Variants in SPR observed in about 807,000 individuals in gnomAD.
SPR encodes Sepiapterin reductase (L-erythro-7,8-dihydrobiopterin forming).
SPR carries 12 observed loss-of-function variants against 16.0 expected under a neutral mutation model. That is an observed-to-expected ratio of 0.75 (90% CI 0.48 to 1.22). SPR has a LOEUF of 1.22. SPR is among the 50% of genes most tolerant of loss of function. The pLI is 0.00. For synonymous variants in SPR, 177 were observed against 168.5 expected (o/e 1.05, Z -0.39); for missense variants, 324 against 344.4 (o/e 0.94, Z 0.47).
Position 72,888,379 on chromosome 2 carries a change from T to TGG in SPR, c.372_373dup (p.Ala125GlyfsTer3). 1 of 1,614,192 alleles carries TGG rather than the reference T, an allele frequency of 6.2e-7. No homozygotes were observed. Among genetic ancestry groups the TGG allele is most frequent in the Non-Finnish European group, 8.5e-7 (1 of 1,180,020 alleles). On this transcript the variant is annotated frameshift_variant, in exon 2 of 3. Coordinates refer to ENST00000234454, the MANE Select transcript of SPR (RefSeq NM_003124.5). LOFTEE classifies it high-confidence loss of function. ...TGACTCCACTCAAGTGAACAACTAC[T>TGG]GGGCACTGAACTTGACCTCCATGCT...
At chr2:72,891,267 C>A in intron 2 of SPR, 80 bp from the exon 3 acceptor site, 1 of 1,504,352 alleles carries the variant, frequency 6.6e-7, no homozygotes, top group Non-Finnish European at 9.2e-7. Flanking sequence ...TCAGCCCCAC[C>A]CCCGACATAA....
Position 72,888,565 on chromosome 2 carries a change from C to T in SPR, c.556C>T (p.Leu186=), listed in dbSNP as rs1670577308. The change falls in exon 2 of 3, where the codon CTG becomes TTG. Residue 186 remains leucine (L), a synonymous_variant. Coordinates refer to ENST00000234454, the MANE Select transcript of SPR (RefSeq NM_003124.5). ...ARDMLFQVLA[L]EEPNVRVLNY... Reference sequence around the variant, plus strand: ...TGATATGCTGTTCCAGGTCCTGGCGCTGGAGGAACCTAATGTGAGGGTGCT... The same window carrying T: ...TGATATGCTGTTCCAGGTCCTGGCGTTGGAGGAACCTAATGTGAGGGTGCT... The T allele has an allele frequency of 6.3e-7, 1 of 1,595,556 alleles. No homozygotes were observed. The highest frequency in any genetic ancestry group is 1.3e-5 in the African/African-American group (1 of 74,562).
At chr2:72,891,283 G>A (rs1294816568) in intron 2 of SPR, 64 bp from the exon 3 acceptor site, 4 of 1,580,468 alleles carry the variant, frequency 2.5e-6, no homozygotes, top group Non-Finnish European at 3.5e-6. Context: ...CATAAAACAG[G>A]GACCTGAAAC....
chr2:72,888,378 C>T lies in SPR; in HGVS notation c.369C>T (p.Tyr123=), dbSNP rs146349901. Reference sequence around the variant, plus strand: ...GTGACTCCACTCAAGTGAACAACTACTGGGCACTGAACTTGACCTCCATGC... The same window carrying T: ...GTGACTCCACTCAAGTGAACAACTATTGGGCACTGAACTTGACCTCCATGC... ...DLSDSTQVNN[Y]WALNLTSMLC... The change falls in exon 2 of 3, where the codon TAC becomes TAT. Residue 123 remains tyrosine (Y), a synonymous_variant. Transcript: ENST00000234454. 3.2e-4 allele frequency: 514 copies of T among 1,614,060 alleles called. No homozygotes were observed. The highest frequency in any genetic ancestry group is 4.1e-4 in the Non-Finnish European group (485 of 1,180,018).
At chr2:72,887,807 G>A (rs1190401339) in intron 1 of SPR, 71 bp downstream of exon 1, 2 of 1,405,784 alleles carry the variant, frequency 1.4e-6, no homozygotes, top group Admixed American at 5.6e-5. Context: ...GAATTTAAGG[G>A]CTACTCCTAG....
Position 72,888,489 on chromosome 2 carries a change from C to T in SPR, c.480C>T (p.Ala160=), listed in dbSNP as rs766208308. The T allele has an allele frequency of 6.2e-7, 1 of 1,613,848 alleles. No individual in the cohort carries two copies. Among genetic ancestry groups the T allele is most frequent in the South Asian group, 1.1e-5 (1 of 90,966 alleles). Residue 160 remains alanine (A), a synonymous_variant, in exon 2 of 3, where the codon GCC becomes GCT. Coordinates refer to ENST00000234454, the MANE Select transcript of SPR (RefSeq NM_003124.5). ...RTVVNISSLC[A]LQPFKGWALY... ...TGGTTAACATCTCGTCCCTCTGTGCCCTGCAACCTTTCAAAGGCTGGGCGC... is the reference window on the plus strand; with the variant it reads ...TGGTTAACATCTCGTCCCTCTGTGCTCTGCAACCTTTCAAAGGCTGGGCGC...
rs1300839149 is a variant in SPR, at chr2:72,887,441, C to T, written c.9C>T (p.Gly3=). 1 of 1,495,328 alleles carries T rather than the reference C, an allele frequency of 6.7e-7. No homozygotes were observed. 92.6% of individuals were successfully genotyped at this position (1,495,328 alleles called of 1,614,324 possible). The change falls in exon 1 of 3, where the codon GGC becomes GGT. Residue 3 remains glycine, a synonymous_variant. Transcript: ENST00000234454. The part of the protein sequence containing the change: ME[G]GLGRAVCLLT... ...CGGCGGAGAACAGGAGCATGGAGGG[C>T]GGGCTGGGGCGTGCTGTGTGCTTGC...
intron 2 of SPR, among the ~76,000 whole-genome samples, chr2:72,890,202 C>G (rs1164853556): frequency 6.6e-6 from 1 of 152,184 alleles, no homozygotes; most frequent in Non-Finnish European, 1.5e-5. Context: ...GTGGGCGTGG[C>G]AGGTCTTCAG....
At position 72,892,117 on chromosome 2, in the gene SPR, C is replaced by CA. The variant is rs958860726; in HGVS notation, c.*581dup. The CA allele has an allele frequency of 6.1e-5, 10 of 165,200 alleles. No homozygotes were observed. The highest frequency in any genetic ancestry group is 2.4e-4 in the African/African-American group (10 of 41,770). 10.2% of individuals were successfully genotyped at this position (165,200 alleles called of 1,614,324 possible). ...GAAGGGGCTCCTGGGTGTCTGTATA[C>CA]ACGCCAAAGGCAGATACAAATAAAA... On this transcript the variant is annotated 3_prime_UTR_variant, in exon 3 of 3. Transcript: ENST00000234454.
At chr2:72,890,836 A>C (rs1045277064) in intron 2 of SPR, among the ~76,000 whole-genome samples, 2 of 152,208 alleles carry the variant, frequency 1.3e-5, no homozygotes, top group East Asian at 3.9e-4. Flanking sequence ...GGTGTGAGCC[A>C]CTGCAGCTGG....
At chr2:72,891,263 C>T in intron 2 of SPR, 84 bp from the exon 3 acceptor site, 1 of 1,472,066 alleles carries the variant, frequency 6.8e-7, no homozygotes, top group South Asian at 1.2e-5. Context: ...TGACTCAGCC[C>T]CACCCCCGAC....
intron 2 of SPR, among the ~76,000 whole-genome samples, chr2:72,890,443 G>A (rs935507429): frequency 2.6e-5 from 4 of 152,186 alleles, no homozygotes; most frequent in African/African-American, 9.7e-5. Context: ...CCAGGTTCAC[G>A]CCATTCTCCT....
In SPR at chr2:72,891,421, G is replaced by A; in HGVS notation, c.670G>A (p.Glu224Lys). ...VDPDMRKGLQ[E>K]LKAKGKLVDC... Reference sequence around the variant, plus strand: ...CCCAGACATGCGAAAAGGGCTGCAGGAGCTGAAGGCAAAGGGGAAGCTGGT... The same window carrying A: ...CCCAGACATGCGAAAAGGGCTGCAGAAGCTGAAGGCAAAGGGGAAGCTGGT... Residue 224 changes from glutamate to lysine, a missense_variant, in exon 3 of 3, where the codon GAG (glutamate) becomes AAG (lysine). Glu to Lys is a moderately conservative substitution (Grantham distance 56). Transcript: ENST00000234454. 6.2e-7 allele frequency: 1 copy of A among 1,614,230 alleles called. No homozygotes were observed.
chr2:72,887,857 T>G (rs1441099788), intron 1 of SPR, 121 bp downstream of exon 1: 6 of 1,131,720 alleles, frequency 5.3e-6, no homozygotes, highest in Non-Finnish European at 7.1e-6. Flanking sequence ...GCCCTAGTTG[T>G]TCCAGCTTGA....
intron 2 of SPR, among the ~76,000 whole-genome samples, chr2:72,890,466 C>A (rs780666705): frequency 6.6e-6 from 1 of 152,110 alleles, no homozygotes; most frequent in African/African-American, 2.4e-5. Context: ...CTCAGCCTCC[C>A]GAGTAGCTGG....
intron 2 of SPR, 101 bp from the exon 3 acceptor site, chr2:72,891,246 C>A: frequency 7.9e-7 from 1 of 1,272,654 alleles, no homozygotes; most frequent in Non-Finnish European, 1.1e-6. Context: ...TTTCCTCTGG[C>A]CAGACCTGAC....
intron 1 of SPR, 129 bp from the exon 2 acceptor site, chr2:72,888,185 C>T: frequency 2.1e-6 from 2 of 973,122 alleles, no homozygotes; most frequent in Non-Finnish European, 3.3e-6. Context: ...AGAGAAGCCT[C>T]TTCAGAAGCG....
intron 2 of SPR, among the ~76,000 whole-genome samples, chr2:72,889,989 A>G (rs1316429950): frequency 2.0e-5 from 3 of 152,244 alleles, no homozygotes; most frequent in Non-Finnish European, 4.4e-5. Context: ...CTCGAGGACC[A>G]TTAACTGCAA....
chr2:72,888,343 G>A lies in SPR; in HGVS notation c.334G>A (p.Val112Met). 1.2e-6 allele frequency: 2 copies of A among 1,614,174 alleles called. No individual in the cohort carries two copies. The highest frequency in any genetic ancestry group is 8.5e-7 in the Non-Finnish European group (1 of 1,180,024). ...GSLGDVSKGF[V>M]DLSDSTQVNN... ...TCTTGGGGATGTGTCCAAAGGCTTCGTGGACCTGAGTGACTCCACTCAAGT... is the reference window on the plus strand; with the variant it reads ...TCTTGGGGATGTGTCCAAAGGCTTCATGGACCTGAGTGACTCCACTCAAGT... The change falls in exon 2 of 3, where the codon GTG becomes ATG. Residue 112 changes from valine (V) to methionine (M), a missense_variant. Val to Met is a conservative substitution (Grantham distance 21, BLOSUM62 1). Transcript: ENST00000234454.
Sources: allele counts gnomAD v4.1 joint callset (sites outside exome capture counted in the v4.1 genomes callset), GRCh38; gene constraint gnomAD v4.1.1; transcripts MANE v1.5; gene names NCBI Gene and HGNC (gene_info 2026-07-23, HGNC 2026-07-21).